Variants in UTP4 observed in about 807,000 individuals in gnomAD.
The protein encoded by UTP4 is U3 small nucleolar RNA-associated protein 4 homolog.
In UTP4, 45 loss-of-function variants were observed where a neutral mutation model predicts 82.4. The ratio of observed to expected loss-of-function variants is 0.55; its 90% confidence interval spans 0.43 to 0.70. The LOEUF is 0.70. UTP4 is among the 30% of genes least tolerant of loss of function. The probability of loss-of-function intolerance (pLI) is 0.00; values close to 1 mark genes in which losing one functional copy is unlikely to be tolerated. For synonymous variants in UTP4, 348 were observed against 300.3 expected (o/e 1.16, Z -1.64); for missense variants, 819 against 858.3 (o/e 0.95, Z 0.57).
intron 2 of UTP4, among the ~76,000 whole-genome samples, chr16:69,135,152 G>A (rs1400395534): frequency 6.6e-6 from 1 of 151,862 alleles, no homozygotes; most frequent in East Asian, 1.9e-4. Flanking sequence ...ATGAGGATAG[G>A]AACCATGTCA....
intron 6 of UTP4, among the ~76,000 whole-genome samples, chr16:69,145,710 A>C (rs929735948): frequency 6.6e-6 from 1 of 152,064 alleles, no homozygotes; most frequent in African/African-American, 2.4e-5. Flanking sequence ...GAGGCTCCTC[A>C]GGGCCACCTT....
intron 6 of UTP4, among the ~76,000 whole-genome samples, chr16:69,147,397 C>G (rs371066929): frequency 6.7e-6 from 1 of 148,432 alleles, no homozygotes; most frequent in Admixed American, 6.7e-5. Context: ...CCCAGCTACT[C>G]GGGAGGCTGA....
In UTP4 at chr16:69,137,828, C is replaced by G. The variant is rs760526066; in HGVS notation, c.379C>G (p.Leu127Val). 1.2e-6 allele frequency: 2 copies of G among 1,612,808 alleles called. No individual in the cohort carries two copies. Among genetic ancestry groups the G allele is most frequent in the South Asian group, 2.2e-5 (2 of 91,058 alleles). The change falls in exon 4 of 17, where the codon CTA (leucine) becomes GTA (valine). Residue 127 changes from leucine to valine, a missense_variant. Physicochemically the swap from Leu to Val is conservative, Grantham distance 32. Transcript: ENST00000314423. The stretch of plus-strand genomic sequence containing the variant: ...TGGTTGTGAAGATGGATCTGTGAAA[C>G]TATTTCAAATTACCCCAGACAAAAT... The part of the protein sequence containing the change: ...LVGCEDGSVK[L>V]FQITPDKIQF...
At chr16:69,155,745 G>T (rs1963392453) in intron 10 of UTP4, 126 bp from the exon 11 acceptor site, 5 of 1,003,304 alleles carry the variant, frequency 5.0e-6, no homozygotes, top group Non-Finnish European at 7.9e-6. Flanking sequence ...ACCACACGAG[G>T]ATCGAGATTA....
chr16:69,168,341 C>T (rs769052524), intron 16 of UTP4, among the ~76,000 whole-genome samples: 3 of 141,478 alleles, frequency 2.1e-5, no homozygotes, highest in Non-Finnish European at 4.5e-5. Context: ...GAGGCTGAGG[C>T]GGGAGAATGG....
At chr16:69,166,801 CTT>C (rs1271563329) in intron 15 of UTP4, 15 of 457,810 alleles carry the variant, frequency 3.3e-5, no homozygotes, top group Non-Finnish European at 5.9e-5. Flanking sequence ...AACAAGCTCT[CTT>C]TGCCTCATAC....
rs1459028025 is a variant in UTP4 at position 69,143,358 on chromosome 16, ATGCTGACG to A, written c.711_718del (p.Asp238ValfsTer6). 1 of 1,614,142 alleles carries A rather than the reference ATGCTGACG, an allele frequency of 6.2e-7. No homozygotes were observed. On this transcript the variant is annotated frameshift_variant, in exon 6 of 17. Coordinates refer to ENST00000314423, the MANE Select transcript of UTP4 (RefSeq NM_032830.3). LOFTEE classifies it high-confidence loss of function. ...CTTGTGAAGAGCCATCTCATCGCTA[ATGCTGACG>A]TGCAGTCCATTGCTGTAGCTGACGT...
chr16:69,160,208 C>A, intron 12 of UTP4, 148 bp from the exon 13 acceptor site: 3 of 749,572 alleles, frequency 4.0e-6, no homozygotes, highest in Non-Finnish European at 7.3e-6. Flanking sequence ...ACATTAACAT[C>A]TAGAAGTAAT....
chr16:69,140,643 C>T (rs888153609), intron 5 of UTP4, among the ~76,000 whole-genome samples: 6 of 151,762 alleles, frequency 4.0e-5, no homozygotes, highest in African/African-American at 1.5e-4. Flanking sequence ...CATTGCACTC[C>T]AGCCTGACAA....
chr16:69,164,837 C>T (rs1963659776), intron 14 of UTP4, among the ~76,000 whole-genome samples: 1 of 151,774 alleles, frequency 6.6e-6, no homozygotes, highest in East Asian at 1.9e-4. Context: ...GGTCAGTCTC[C>T]GTGATATAAC....
chr16:69,168,972 C>T lies in UTP4; in HGVS notation c.*35C>T, dbSNP rs1239968159. On this transcript the variant is annotated 3_prime_UTR_variant, in exon 17 of 17. Transcript: ENST00000314423. Reference sequence around the variant, plus strand: ...CTGTCTGTGTCCTTCCTTGAACTGTCTACCCTGTTGCTTTTCACAAATCAT... The same window carrying T: ...CTGTCTGTGTCCTTCCTTGAACTGTTTACCCTGTTGCTTTTCACAAATCAT... The T allele has an allele frequency of 7.9e-7, 1 of 1,262,574 alleles. No homozygotes were observed. The highest frequency in any genetic ancestry group is 1.2e-5 in the South Asian group (1 of 84,042). The allele number at this position is 1,262,574 out of a possible 1,614,324, so 78.2% of individuals were successfully genotyped here.
intron 16 of UTP4, 60 bp from the exon 17 acceptor site, chr16:69,168,761 T>G (rs1271941860): frequency 1.6e-5 from 17 of 1,048,114 alleles, no homozygotes; most frequent in Non-Finnish European, 2.6e-5. Context: ...CTACAGTCAG[T>G]TCTTTCAGGA....
chr16:69,133,661 T>C, intron 2 of UTP4, 43 bp downstream of exon 2: 2 of 1,592,796 alleles, frequency 1.3e-6, no homozygotes, highest in Non-Finnish European at 1.7e-6. Context: ...GATGTTAATT[T>C]CTTCTGAAGT....
chr16:69,158,239 A>G (rs1282748817), intron 12 of UTP4, among the ~76,000 whole-genome samples: 5 of 123,908 alleles, frequency 4.0e-5, no homozygotes, highest in Non-Finnish European at 7.8e-5. Context: ...TGGTGCGATC[A>G]TGGCTCACTG....
At chr16:69,153,029 A>T (rs995527068) in intron 8 of UTP4, among the ~76,000 whole-genome samples, 1 of 152,098 alleles carries the variant, frequency 6.6e-6, no homozygotes, top group African/African-American at 2.4e-5. Flanking sequence ...TGTCTTATAG[A>T]ACCTGTCTCC....
intron 2 of UTP4, 129 bp downstream of exon 2, chr16:69,133,747 C>T: frequency 1.1e-6 from 1 of 908,190 alleles, no homozygotes; most frequent in Non-Finnish European, 1.8e-6. Flanking sequence ...CTTAGAACTA[C>T]CAAACTTCTG....
At chr16:69,144,509 T>A (rs1369281150) in intron 6 of UTP4, among the ~76,000 whole-genome samples, 1 of 152,176 alleles carries the variant, frequency 6.6e-6, no homozygotes, top group Non-Finnish European at 1.5e-5. Flanking sequence ...ATGACGTAAA[T>A]ATTGTAGAGG....
intron 6 of UTP4, among the ~76,000 whole-genome samples, chr16:69,150,151 A>G (rs1275638379): frequency 6.6e-6 from 1 of 152,240 alleles, no homozygotes; most frequent in Non-Finnish European, 1.5e-5. Flanking sequence ...TAACTTGATC[A>G]TGTTAAATAT....
chr16:69,140,798 C>G (rs541257525), intron 5 of UTP4, among the ~76,000 whole-genome samples: 1 of 152,262 alleles, frequency 6.6e-6, no homozygotes, highest in East Asian at 1.9e-4. Flanking sequence ...ACTGCAGATC[C>G]TAGCATGCTT....
Sources: gnomAD v4.1 joint callset for allele counts (sites outside exome capture counted in the v4.1 genomes callset) on GRCh38, gnomAD v4.1.1 for gene constraint, MANE v1.5 for transcripts, NCBI Gene and HGNC (gene_info 2026-07-23, HGNC 2026-07-21) for gene names.